Variants in ZNF337 observed in about 807,000 individuals in gnomAD.
ZNF337 encodes the protein zinc finger protein 337.
ZNF337 carries 8 observed loss-of-function variants against 12.1 expected under a neutral mutation model. The ratio of observed to expected loss-of-function variants is 0.66; its 90% CI spans 0.39 to 1.19. The LOEUF is 1.19. ZNF337 is among the 50% of genes most tolerant of loss of function. The pLI, the probability that ZNF337 is intolerant of heterozygous loss-of-function variation, is 0.01. For synonymous variants in ZNF337, 336 were observed against 320.0 expected, an observed-to-expected ratio of 1.05 and a Z score of -0.53; for missense variants, 882 against 896.6, an observed-to-expected ratio of 0.98 and a Z score of 0.21.
At position 25,676,606 on chromosome 20, in the gene ZNF337, T is replaced by G. The variant is rs1291159672; in HGVS notation, c.682A>C (p.Asn228His). 4 of 1,614,130 alleles carry G rather than the reference T, an allele frequency of 2.5e-6. No homozygotes were observed. In the South Asian group the frequency reaches 4.4e-5, roughly 18 times the overall value. ...TAGGACTTCTCTCCTGTGTGTGTGT[T>G]CTGGTGCAAGAGCAATGCTGACTCA... ...RDESALLLHQ[N>H]THTGEKSYVC... Residue 228 changes from asparagine to histidine, a missense_variant, in exon 5 of 5, where the codon AAC becomes CAC. Transcript: ENST00000252979.
intron 4 of ZNF337, among the ~76,000 whole-genome samples, chr20:25,682,545 T>C (rs1025830350): frequency 3.3e-5 from 5 of 152,114 alleles, no homozygotes; most frequent in Admixed American, 6.5e-5. Flanking sequence ...AAAATCTTTA[T>C]ATATTGGCCA....
Position 25,676,182 on chromosome 20 carries a change from G to A in ZNF337, c.1106C>T (p.Thr369Ile). ...NKSHLITHQR[T>I]HSGEKPFACR... ...CGCAAAGGGCTTCTCCCCTGAGTGT[G>A]TCCTCTGGTGTGTGATAAGGTGTGA... is the stretch of plus-strand genomic sequence containing the variant. The change falls in exon 5 of 5, where the codon ACA becomes ATA. Residue 369 changes from threonine (T) to isoleucine (I), a missense_variant. Coordinates refer to ENST00000252979, the MANE Select transcript of ZNF337 (RefSeq NM_015655.4). 1 of 1,614,160 alleles carries A rather than the reference G, an allele frequency of 6.2e-7. No homozygotes were observed. Among genetic ancestry groups the A allele is most frequent in the East Asian group, 2.2e-5 (1 of 44,872 alleles).
intron 1 of ZNF337, among the ~76,000 whole-genome samples, chr20:25,696,142 T>G (rs1450974357): frequency 8.2e-6 from 1 of 122,348 alleles, no homozygotes; most frequent in Non-Finnish European, 1.6e-5. Context: ...GGACATTTGG[T>G]CCCGGCCTAC....
intron 4 of ZNF337, among the ~76,000 whole-genome samples, chr20:25,678,941 C>T (rs1214255123): frequency 6.6e-6 from 1 of 151,996 alleles, no homozygotes; most frequent in African/African-American, 2.4e-5. Context: ...AGACCCTGTC[C>T]ATAGAAACAA....
At chr20:25,686,493 G>A (rs2065835035) in intron 1 of ZNF337, 27 bp from the exon 2 acceptor site, 1 of 1,570,210 alleles carries the variant, frequency 6.4e-7, no homozygotes. Flanking sequence ...GTCAGAGGGT[G>A]GCTGGGTGCA....
At chr20:25,695,499 G>A (rs1375904903) in intron 1 of ZNF337, among the ~76,000 whole-genome samples, 1 of 152,160 alleles carries the variant, frequency 6.6e-6, no homozygotes, top group Non-Finnish European at 1.5e-5. Flanking sequence ...TAAACCCTTT[G>A]GAGATATACC....
Position 25,675,374 on chromosome 20 carries a change from G to A in ZNF337, c.1914C>T (p.Asn638=). ...GGTGTGTGAGGAGATTTCCCTTCCA[G>A]TTGAAGCCTCGCCCACACTCCTTGC... ...FVCKECGRGF[N]WKGNLLTHQR... is the part of the protein sequence containing the mutation. The change falls in exon 5 of 5, where the codon AAC becomes AAT. Residue 638 remains asparagine, a synonymous_variant. Transcript: ENST00000252979. 1 of 1,614,126 alleles carries A rather than the reference G, an allele frequency of 6.2e-7. No individual in the cohort carries two copies.
intron 1 of ZNF337, among the ~76,000 whole-genome samples, chr20:25,694,689 T>C (rs1404076672): frequency 6.6e-6 from 1 of 152,196 alleles, no homozygotes; most frequent in Non-Finnish European, 1.5e-5. Flanking sequence ...TGGGGAATCC[T>C]GCCCGAGAAA....
intron 4 of ZNF337, among the ~76,000 whole-genome samples, chr20:25,683,720 T>C (rs1382022824): frequency 1.3e-5 from 2 of 152,126 alleles, no homozygotes; most frequent in Non-Finnish European, 2.9e-5. Flanking sequence ...CTGGAGAGGA[T>C]GTGGAGAAAT....
chr20:25,679,562 A>C (rs138179462), intron 4 of ZNF337, among the ~76,000 whole-genome samples: 42 of 152,330 alleles, frequency 2.8e-4, no homozygotes, highest in South Asian at 2.1e-3. Flanking sequence ...TATACGAAAA[A>C]ATGCTCATCA....
rs986418854 is a variant in ZNF337, at chr20:25,673,330, G to C, written c.*1702C>G. On this transcript the variant is annotated 3_prime_UTR_variant, in exon 5 of 5. Transcript: ENST00000252979. ...AGCATCACAAATACCATTTACAAAAGGATAGGCATATTGCATGTATCTTCC... is the reference window on the plus strand; with the variant it reads ...AGCATCACAAATACCATTTACAAAACGATAGGCATATTGCATGTATCTTCC... Among the ~76,000 whole-genome samples the C allele has an allele frequency of 6.6e-6, 1 of 152,228 alleles. No individual in the cohort carries two copies. The highest frequency in any genetic ancestry group is 1.5e-5 in the Non-Finnish European group (1 of 68,038).
rs866789475 is a variant in ZNF337, at chr20:25,696,642, C to A, written c.-50+117G>T. The A allele has an allele frequency of 1.1e-4, 79 of 708,566 alleles. No homozygotes were observed. In the African/African-American group the frequency reaches 1.4e-3, roughly 12 times the overall value. The allele number at this position is 708,566 out of a possible 1,614,324, so 43.9% of individuals were successfully genotyped here. ...CTCCCCAGAACGCGGAGACGCCGGG[C>A]CTGGAGGAGCGCGCGCTACGGCCCC... On this transcript the variant is annotated intron_variant, in intron 1 of 4. Transcript: ENST00000252979.
At chr20:25,681,540 T>C (rs1289486703) in intron 4 of ZNF337, among the ~76,000 whole-genome samples, 1 of 152,142 alleles carries the variant, frequency 6.6e-6, no homozygotes, top group Non-Finnish European at 1.5e-5. Context: ...AATTTTCTGA[T>C]AGAGAGTATA....
intron 1 of ZNF337, among the ~76,000 whole-genome samples, chr20:25,696,543 G>C (rs1284694366): frequency 6.6e-6 from 1 of 152,352 alleles, no homozygotes; most frequent in East Asian, 1.9e-4. Context: ...AGACTGAGTG[G>C]CGGCCCAGAC....
Position 25,674,926 on chromosome 20 carries a change from CCT to C in ZNF337, c.*104_*105del, listed in dbSNP as rs1487585164. The C allele has an allele frequency of 2.0e-5, 20 of 1,024,888 alleles. No individual in the cohort carries two copies. Among genetic ancestry groups the C allele is most frequent in the African/African-American group, 4.8e-5 (3 of 62,430 alleles). 63.5% of individuals were successfully genotyped at this position (1,024,888 alleles called of 1,614,324 possible). ...TCTGTAGCCCTCTGGATTCTGTCTG[CCT>C]CTGTTATATCTTCACGAACAAGTTA... On this transcript the variant is annotated 3_prime_UTR_variant, in exon 5 of 5. Coordinates refer to ENST00000252979, the MANE Select transcript of ZNF337 (RefSeq NM_015655.4).
intron 4 of ZNF337, among the ~76,000 whole-genome samples, chr20:25,684,215 AG>A (rs890113810): frequency 1.6e-5 from 1 of 63,590 alleles, no homozygotes; most frequent in African/African-American, 6.4e-5. Context: ...GGGTGGGGGG[AG>A]GGGGGAGGGA....
At position 25,676,299 on chromosome 20, in the gene ZNF337, G is replaced by A. The variant is rs560212798; in HGVS notation, c.989C>T (p.Thr330Ile). The A allele has an allele frequency of 3.1e-6, 5 of 1,601,238 alleles. No homozygotes were observed. Among genetic ancestry groups the A allele is most frequent in the African/African-American group, 1.4e-5 (1 of 70,550 alleles). The change falls in exon 5 of 5, where the codon ACT (threonine) becomes ATT (isoleucine). Residue 330 changes from threonine (T) to isoleucine (I), a missense_variant. By Grantham distance (89) the Thr-to-Ile change is moderately conservative. Coordinates refer to ENST00000252979, the MANE Select transcript of ZNF337 (RefSeq NM_015655.4). ...GTGCACAACGAAGTATGACTTATTA[G>A]TATAGCCTCGCCCACACTCCTTGCA... Reference protein sequence around the residue: ...FVCKECGRGYTNKSYFVVHKR... With the variant: ...FVCKECGRGYINKSYFVVHKR...
intron 4 of ZNF337, among the ~76,000 whole-genome samples, chr20:25,684,337 AAAACTT>A (rs1399636938): frequency 6.6e-6 from 1 of 152,088 alleles, no homozygotes; most frequent in East Asian, 1.9e-4. Context: ...CATGTACCCT[AAAACTT>A]AAAGTATAAT....
chr20:25,693,357 A>G (rs1269264774), intron 1 of ZNF337, among the ~76,000 whole-genome samples: 2 of 152,198 alleles, frequency 1.3e-5, no homozygotes, highest in African/African-American at 4.8e-5. Flanking sequence ...GATTACAGGT[A>G]TGGGCCACCA....
Sources: gnomAD v4.1 joint callset for allele counts (sites outside exome capture counted in the v4.1 genomes callset) on GRCh38, gnomAD v4.1.1 for gene constraint, MANE v1.5 for transcripts, NCBI Gene and HGNC (gene_info 2026-07-23, HGNC 2026-07-21) for gene names.